Variants in PAM observed in about 807,000 individuals in gnomAD.
PAM encodes the protein peptidyl-glycine alpha-amidating monooxygenase.
A neutral mutation model predicts 122.1 loss-of-function variants in PAM; 72 were observed. The ratio of observed to expected loss-of-function variants is 0.59; its 90% CI spans 0.49 to 0.72. The LOEUF (loss-of-function observed/expected upper bound fraction) is 0.72, where lower values mean the gene tolerates loss of function less well. Ranked by LOEUF, PAM falls within the 30% of genes least tolerant of loss-of-function variation. PAM has a pLI of 0.00. For synonymous variants in PAM, 389 were observed against 404.4 expected, an observed-to-expected ratio of 0.96 and a Z score of 0.46; for missense variants, 1,106 against 1,183.7, an observed-to-expected ratio of 0.93 and a Z score of 0.96.
intron 6 of PAM, among the ~76,000 whole-genome samples, chr5:102,925,994 C>T (rs1271559198): frequency 2.0e-5 from 3 of 152,052 alleles, no homozygotes; most frequent in Non-Finnish European, 4.4e-5. Context: ...AGTAATGCCA[C>T]TTAAATGCTC....
chr5:102,996,131 TA>T (rs931748159), intron 16 of PAM, among the ~76,000 whole-genome samples: 2 of 152,192 alleles, frequency 1.3e-5, no homozygotes, highest in African/African-American at 4.8e-5. Flanking sequence ...CAGCCTTATC[TA>T]AACTGTTTGA....
At chr5:102,881,897 ATAGC>A (rs1343051051) in intron 3 of PAM, among the ~76,000 whole-genome samples, 1 of 142,122 alleles carries the variant, frequency 7.0e-6, no homozygotes, top group Non-Finnish European at 1.5e-5. Context: ...TTGCATCCTC[ATAGC>A]TTAACTCCCA....
At chr5:102,904,906 A>G (rs1561834602) in intron 4 of PAM, among the ~76,000 whole-genome samples, 1 of 151,656 alleles carries the variant, frequency 6.6e-6, no homozygotes. Context: ...CATCACAGTC[A>G]TTATGGAACT....
chr5:102,891,692 T>C (rs962728228), intron 3 of PAM, among the ~76,000 whole-genome samples: 4 of 151,888 alleles, frequency 2.6e-5, no homozygotes, highest in African/African-American at 9.7e-5. Context: ...TCAGGCTTGC[T>C]AAACTGGGAA....
At position 102,903,006 on chromosome 5, in the gene PAM, A is replaced by G. The variant is rs116655298; in HGVS notation, c.268+1593A>G. ...CGTTCACATAATTTAAAATGAAAAA[A>G]TACAAGTGAGTATATTCAGTCAAGT... On this transcript the variant is annotated intron_variant, in intron 4 of 25. Transcript: ENST00000438793. 8.0e-3 allele frequency among the ~76,000 whole-genome samples: 1,221 copies of G among 151,698 alleles called. 22 individuals are homozygous for G. Among genetic ancestry groups the G allele is most frequent in the African/African-American group, 0.028 (1,141 of 41,482 alleles).
At chr5:102,814,577 TG>T (rs1353300163) in intron 1 of PAM, among the ~76,000 whole-genome samples, 13 of 146,026 alleles carry the variant, frequency 8.9e-5, no homozygotes, top group African/African-American at 3.2e-4. Context: ...ATACATATAT[TG>T]ATATATACAT....
chr5:102,787,167 T>C (rs559751235), intron 1 of PAM, among the ~76,000 whole-genome samples: 1 of 152,236 alleles, frequency 6.6e-6, no homozygotes, highest in South Asian at 2.1e-4. Context: ...CTCCTCAAAA[T>C]AGTTTTACCA....
intron 1 of PAM, among the ~76,000 whole-genome samples, chr5:102,758,948 T>G (rs431814): frequency 0.5 from 76,204 of 152,006 alleles, 19,654 homozygotes; most frequent in African/African-American, 0.62. Flanking sequence ...CAGCTAACTT[T>G]TTTCATTCAT....
rs573370452 is a variant in PAM at position 103,029,203 on chromosome 5, G to C, written c.*138G>C. 1 of 594,072 alleles carries C rather than the reference G, an allele frequency of 1.7e-6. No homozygotes were observed. Among genetic ancestry groups the C allele is most frequent in the East Asian group, 3.4e-5 (1 of 29,674 alleles). The allele number at this position is 594,072 out of a possible 1,614,324, so 36.8% of individuals were successfully genotyped here. On this transcript the variant is annotated 3_prime_UTR_variant, in exon 26 of 26. Transcript: ENST00000438793. ...GGACTGTACACACTTTATTTACTTC[G>C]TTTTGGTTAAGTTGGCTTCTGTTTC... is the stretch of plus-strand genomic sequence containing the variant.
chr5:102,878,170 TATA>T (rs1403975061), intron 3 of PAM, among the ~76,000 whole-genome samples: 1 of 152,182 alleles, frequency 6.6e-6, no homozygotes, highest in African/African-American at 2.4e-5. Flanking sequence ...AAGGCAAATA[TATA>T]ATATTTGAAT....
At chr5:102,999,402 T>C (rs751047945) in intron 16 of PAM, among the ~76,000 whole-genome samples, 14 of 152,200 alleles carry the variant, frequency 9.2e-5, no homozygotes, top group Non-Finnish European at 1.8e-4. Context: ...TGGCATTGAG[T>C]GTCTGTTGCC....
At chr5:102,965,643 A>G (rs1281029673) in intron 14 of PAM, among the ~76,000 whole-genome samples, 3 of 152,030 alleles carry the variant, frequency 2.0e-5, no homozygotes, top group African/African-American at 7.2e-5. Context: ...AAATCTCCTC[A>G]TTGTAGTCTT....
At chr5:102,852,406 T>C (rs1561633398) in intron 1 of PAM, among the ~76,000 whole-genome samples, 2 of 152,198 alleles carry the variant, frequency 1.3e-5, no homozygotes, top group Admixed American at 6.5e-5. Flanking sequence ...AATAGTTTAT[T>C]TAAAAGAGTA....
chr5:102,943,754 C>T (rs966282714), intron 7 of PAM, among the ~76,000 whole-genome samples: 1 of 152,100 alleles, frequency 6.6e-6, no homozygotes, highest in African/African-American at 2.4e-5. Context: ...GTTTCCCTTT[C>T]GGTTCTGAGA....
intron 1 of PAM, among the ~76,000 whole-genome samples, chr5:102,789,043 A>G (rs1051833561): frequency 1.3e-5 from 2 of 152,108 alleles, no homozygotes; most frequent in Non-Finnish European, 2.9e-5. Flanking sequence ...TTGATAGAGA[A>G]AAGTTAGCTA....
intron 1 of PAM, among the ~76,000 whole-genome samples, chr5:102,849,017 C>T (rs905821553): frequency 5.3e-5 from 8 of 152,006 alleles, no homozygotes; most frequent in Admixed American, 4.6e-4. Context: ...CTTTAAAAGC[C>T]TCCAGAGAAT....
chr5:102,961,378 G>T lies in PAM; in HGVS notation c.1162+149G>T, dbSNP rs1206756602. ...TATTTTTATACAATGCATAATTCAT[G>T]AGAAAATGGTCAATTATTGCACTTT... On this transcript the variant is annotated intron_variant, in intron 14 of 25. Coordinates refer to ENST00000438793, the MANE Select transcript of PAM (RefSeq NM_001177306.2). The T allele has an allele frequency of 9.8e-6, 5 of 508,530 alleles. No individual in the cohort carries two copies. In the East Asian group the frequency reaches 1.6e-4, roughly 16 times the overall value. 31.5% of individuals were successfully genotyped at this position (508,530 alleles called of 1,614,324 possible).
intron 1 of PAM, among the ~76,000 whole-genome samples, chr5:102,846,175 A>G (rs1779898533): frequency 6.6e-6 from 1 of 152,186 alleles, no homozygotes; most frequent in African/African-American, 2.4e-5. Context: ...ACCCTTGAGA[A>G]GTTCACATTC....
chr5:103,028,091 A>T, intron 24 of PAM, 94 bp from the exon 25 acceptor site: 1 of 918,410 alleles, frequency 1.1e-6, no homozygotes, highest in South Asian at 1.4e-5. Flanking sequence ...TTGCTTTATC[A>T]TTTACCAGTT....
Sources: allele counts gnomAD v4.1 joint callset (sites outside exome capture counted in the v4.1 genomes callset), GRCh38; gene constraint gnomAD v4.1.1; transcripts MANE v1.5; gene names NCBI Gene and HGNC (gene_info 2026-07-23, HGNC 2026-07-21).